Variants in NCKAP1L observed in about 807,000 individuals in gnomAD.
NCKAP1L encodes NCK associated protein 1 like.
A neutral mutation model predicts 139.2 loss-of-function variants in NCKAP1L; 53 were observed. The ratio of observed to expected loss-of-function variants is 0.38; its 90% CI spans 0.31 to 0.48. The LOEUF (loss-of-function observed/expected upper bound fraction) is 0.48. Ranked by LOEUF, NCKAP1L falls within the 20% of genes least tolerant of loss-of-function variation. NCKAP1L has a pLI of 0.98. For missense variants in NCKAP1L, 1,151 were observed against 1,381.9 expected (o/e 0.83, Z 2.65); for synonymous variants, 468 against 499.7 (o/e 0.94, Z 0.85).
chr12:54,545,617 A>G lies in NCKAP1L; in HGVS notation c.*2932A>G, dbSNP rs960455472. The G allele has an allele frequency of 6.6e-6, 1 of 152,136 alleles. No homozygotes were observed. Among genetic ancestry groups the G allele is most frequent in the Admixed American group, 6.5e-5 (1 of 15,282 alleles). 9.4% of individuals were successfully genotyped at this position (152,136 alleles called of 1,614,324 possible). Reference sequence around the variant, plus strand: ...CCAGGAGGGTCTCTGTCCTCTTACAACCTGGGAAAAAATAAGTTGTGTCCC... The same window carrying G: ...CCAGGAGGGTCTCTGTCCTCTTACAGCCTGGGAAAAAATAAGTTGTGTCCC... On this transcript the variant is annotated 3_prime_UTR_variant, in exon 31 of 31. Transcript: ENST00000293373.
intron 29 of NCKAP1L, among the ~76,000 whole-genome samples, chr12:54,537,373 A>G (rs1422931323): frequency 1.3e-5 from 2 of 152,194 alleles, no homozygotes; most frequent in South Asian, 2.1e-4. Flanking sequence ...CGGTATTTTC[A>G]TATATAAAAC....
At chr12:54,534,460 C>T (rs1182016733) in intron 26 of NCKAP1L, among the ~76,000 whole-genome samples, 2 of 152,312 alleles carry the variant, frequency 1.3e-5, no homozygotes, top group Middle Eastern at 3.4e-3. Context: ...AAAAAGATAA[C>T]TAACACCAGA....
chr12:54,509,734 C>T lies in NCKAP1L; in HGVS notation c.572C>T (p.Thr191Ile). 6.2e-7 allele frequency: 1 copy of T among 1,614,182 alleles called. No individual in the cohort carries two copies. Among genetic ancestry groups the T allele is most frequent in the Non-Finnish European group, 8.5e-7 (1 of 1,180,020 alleles). The change falls in exon 6 of 31, where the codon ACA (threonine) becomes ATA (isoleucine). Residue 191 changes from threonine to isoleucine, a missense_variant. By Grantham distance (89) the Thr-to-Ile change is moderately conservative. Transcript: ENST00000293373. Reference protein sequence around the residue: ...LEYDHPLKKLTEEFGPHTKAV... With the variant: ...LEYDHPLKKLIEEFGPHTKAV... Reference sequence around the variant, plus strand: ...TATGACCACCCTCTGAAGAAGCTGACAGAAGAGTTTGGGCCTCACACAAAG... The same window carrying T: ...TATGACCACCCTCTGAAGAAGCTGATAGAAGAGTTTGGGCCTCACACAAAG...
At chr12:54,508,882 C>T (rs373416699) in intron 5 of NCKAP1L, among the ~76,000 whole-genome samples, 7 of 152,128 alleles carry the variant, frequency 4.6e-5, no homozygotes, top group Non-Finnish European at 1.0e-4. Context: ...TATTGGCATA[C>T]GTGGGAGTCT....
chr12:54,500,827 G>T (rs528374975), intron 3 of NCKAP1L: 28 of 485,900 alleles, frequency 5.8e-5, no homozygotes, highest in African/African-American at 5.3e-4. Context: ...TTTTAAAAGA[G>T]TATGTATGTA....
intron 17 of NCKAP1L, 68 bp downstream of exon 17, chr12:54,520,894 C>T: frequency 1.2e-6 from 2 of 1,601,424 alleles, no homozygotes; most frequent in Non-Finnish European, 1.7e-6. Flanking sequence ...AAACACAATT[C>T]CAAGGGTTGA....
intron 17 of NCKAP1L, 142 bp from the exon 18 acceptor site, chr12:54,520,977 G>T: frequency 1.3e-6 from 2 of 1,486,044 alleles, no homozygotes; most frequent in Non-Finnish European, 1.9e-6. Context: ...GATGTATCCT[G>T]TCTCTGGGCC....
At chr12:54,530,693 C>A (rs1957061256) in intron 22 of NCKAP1L, among the ~76,000 whole-genome samples, 1 of 152,230 alleles carries the variant, frequency 6.6e-6, no homozygotes, top group Admixed American at 6.5e-5. Context: ...TCCGGACAAG[C>A]ACTTAACCCC....
rs368573945 is a variant in NCKAP1L, at chr12:54,531,248, A to C, written c.2507-12A>C. On this transcript the variant is annotated splice_polypyrimidine_tract_variant and intron_variant, in intron 22 of 30. Transcript: ENST00000293373. The stretch of plus-strand genomic sequence containing the variant: ...CTGAGTCCCATCTGGGGCCTCTGTA[A>C]CTCTGTTCCAGAGATGCGGGCCTTG... 9.0e-5 allele frequency: 145 copies of C among 1,612,216 alleles called. No individual in the cohort carries two copies. The highest frequency in any genetic ancestry group is 1.1e-4 in the Non-Finnish European group (134 of 1,178,386).
intron 2 of NCKAP1L, among the ~76,000 whole-genome samples, chr12:54,499,959 G>C (rs960970553): frequency 2.0e-5 from 3 of 151,844 alleles, no homozygotes; most frequent in Admixed American, 6.6e-5. Flanking sequence ...CATCTGAAAG[G>C]GTGCTTAAAA....
At chr12:54,510,171 A>G (rs1956875976) in intron 7 of NCKAP1L, among the ~76,000 whole-genome samples, 186 bp downstream of exon 7, 1 of 152,128 alleles carries the variant, frequency 6.6e-6, no homozygotes, top group South Asian at 2.1e-4. Flanking sequence ...TTTTGTTTGG[A>G]TCAGGGTTAG....
rs1331355577 is a variant in NCKAP1L, at chr12:54,500,564, C to T, written c.245C>T (p.Ala82Val). The change falls in exon 3 of 31, where the codon GCC (alanine) becomes GTC (valine). Residue 82 changes from alanine (A) to valine (V), a missense_variant. Transcript: ENST00000293373. The part of the protein sequence containing the change: ...QHLGPVHREK[A>V]EIIRFLTNYY... ...TTAGGACCAGTACATCGTGAAAAAG[C>T]CGAGATAATTAGATTCCTCACCAAC... is the stretch of plus-strand genomic sequence containing the variant. 2 of 1,611,940 alleles carry T rather than the reference C, an allele frequency of 1.2e-6. No homozygotes were observed. The highest frequency in any genetic ancestry group is 2.2e-5 in the East Asian group (1 of 44,776).
chr12:54,530,239 T>C (rs1001702395), intron 22 of NCKAP1L, among the ~76,000 whole-genome samples: 1 of 152,262 alleles, frequency 6.6e-6, no homozygotes, highest in African/African-American at 2.4e-5. Context: ...TGGTCTCTTG[T>C]TGTTGTTACT....
chr12:54,528,273 C>T lies in NCKAP1L; in HGVS notation c.2402C>T (p.Ala801Val). 6.2e-7 allele frequency: 1 copy of T among 1,613,870 alleles called. No homozygotes were observed. ...NWYLESLLRQ[A>V]SSGTIILSPA... ...TACCTGGAAAGTCTGCTTAGACAGG[C>T]AAGCAGTGGGACCATCATCCTCTCC... The change falls in exon 22 of 31, where the codon GCA becomes GTA. Residue 801 changes from alanine to valine, a missense_variant. Ala to Val is a moderately conservative substitution (Grantham distance 64, BLOSUM62 0). Transcript: ENST00000293373.
At chr12:54,527,926 C>T (rs566274192) in intron 21 of NCKAP1L, among the ~76,000 whole-genome samples, 26 of 152,270 alleles carry the variant, frequency 1.7e-4, no homozygotes, top group Non-Finnish European at 3.1e-4. Context: ...CCTGTCTTAC[C>T]TGACAGAGGG....
At chr12:54,503,859 T>A (rs1164122721) in intron 3 of NCKAP1L, among the ~76,000 whole-genome samples, 1 of 152,118 alleles carries the variant, frequency 6.6e-6, no homozygotes, top group African/African-American at 2.4e-5. Context: ...CAAGCTGGCC[T>A]CGAACTCCTG....
At position 54,547,081 on chromosome 12, in the gene NCKAP1L, A is replaced by G. The variant is rs903677611; in HGVS notation, c.*4396A>G. The G allele has an allele frequency of 3.9e-5, 6 of 152,316 alleles. No homozygotes were observed. Among genetic ancestry groups the G allele is most frequent in the African/African-American group, 1.4e-4 (6 of 41,444 alleles). 9.4% of individuals were successfully genotyped at this position (152,316 alleles called of 1,614,324 possible). A position where few individuals can be genotyped will look rare whatever the true frequency, so the allele number is the denominator to read the frequency against. On this transcript the variant is annotated 3_prime_UTR_variant, in exon 31 of 31. Transcript: ENST00000293373. ...GAAGCTGAAAAGGAGAGGAATGAGA[A>G]GGAGCCTGGGAAAGGTGGGGGATGA...
rs770372917 is a variant in NCKAP1L at position 54,511,821 on chromosome 12, T to C, written c.754T>C (p.Ser252Pro). The change falls in exon 8 of 31, where the codon TCT (serine) becomes CCT (proline). Residue 252 changes from serine to proline, a missense_variant. Ser to Pro is a moderately conservative substitution (Grantham distance 74). Coordinates refer to ENST00000293373, the MANE Select transcript of NCKAP1L (RefSeq NM_005337.5). ...CTCACAGATGGCCTGTGAGTATCTG[T>C]CTGTGGAAGTAATGGAGCGCTGGAT... ...NSDTMACEYL[S>P]VEVMERWIII... 6.2e-7 allele frequency: 1 copy of C among 1,614,130 alleles called. No homozygotes were observed. The highest frequency in any genetic ancestry group is 8.5e-7 in the Non-Finnish European group (1 of 1,180,040).
intron 26 of NCKAP1L, among the ~76,000 whole-genome samples, chr12:54,532,997 G>T (rs1010608984): frequency 5.9e-5 from 9 of 152,188 alleles, no homozygotes; most frequent in African/African-American, 2.2e-4. Flanking sequence ...CTAGTTAGCA[G>T]GAAGAATTAA....
Sources: allele counts gnomAD v4.1 joint callset (sites outside exome capture counted in the v4.1 genomes callset), GRCh38; gene constraint gnomAD v4.1.1; transcripts MANE v1.5; gene names NCBI Gene and HGNC (gene_info 2026-07-23, HGNC 2026-07-21).